Variants in C2CD3 observed in about 807,000 individuals in gnomAD.
The protein encoded by C2CD3 is C2 domain-containing protein 3.
C2CD3 carries 148 observed loss-of-function variants against 234.0 expected under a neutral mutation model. That is an observed-to-expected ratio of 0.63 (90% CI 0.55 to 0.72). C2CD3 has a LOEUF of 0.72. Among genes scored for constraint, C2CD3 ranks in the 30% least tolerant of loss-of-function variants. The pLI is 0.00. For synonymous variants in C2CD3, 1,000 were observed against 1,035.4 expected (o/e 0.97, Z 0.66); for missense variants, 2,577 against 2,811.5 (o/e 0.92, Z 1.89).
chr11:74,120,938 G>A (rs1430115159), intron 8 of C2CD3, among the ~76,000 whole-genome samples: 1 of 151,736 alleles, frequency 6.6e-6, no homozygotes, highest in Non-Finnish European at 1.5e-5. Context: ...CAGGAGAATT[G>A]CTTGAGCCAG....
At chr11:74,109,283 T>C (rs537642896) in intron 11 of C2CD3, 131 bp from the exon 12 acceptor site, 122 of 602,054 alleles carry the variant, frequency 2.0e-4, no homozygotes, top group Non-Finnish European at 3.2e-4. Flanking sequence ...GTCAGTGTGC[T>C]TTCACAGAAA....
At chr11:74,084,841 G>A (rs1446233763) in intron 22 of C2CD3, 40 bp downstream of exon 22, 1 of 1,204,502 alleles carries the variant, frequency 8.3e-7, no homozygotes, top group Non-Finnish European at 1.2e-6. Context: ...AAGTGAAAGG[G>A]AAAGGGTGGC....
chr11:74,015,296 C>T (rs1473753655), intron 32 of C2CD3, among the ~76,000 whole-genome samples: 2 of 152,224 alleles, frequency 1.3e-5, no homozygotes, highest in Non-Finnish European at 2.9e-5. Flanking sequence ...GGAGGAGACT[C>T]TTTGTAGTAA....
At chr11:74,036,442 C>T (rs1952744517) in intron 30 of C2CD3, 1 of 455,878 alleles carries the variant, frequency 2.2e-6, no homozygotes, top group Non-Finnish European at 4.4e-6. Flanking sequence ...AAGTCAAACA[C>T]AGAGCATTTA....
At chr11:74,081,960 T>G (rs1435978300) in intron 22 of C2CD3, among the ~76,000 whole-genome samples, 1 of 152,192 alleles carries the variant, frequency 6.6e-6, no homozygotes, top group Non-Finnish European at 1.5e-5. Context: ...CCTCTTTTCC[T>G]AATTGAACAT....
intron 7 of C2CD3, among the ~76,000 whole-genome samples, chr11:74,128,257 C>A (rs939105151): frequency 1.3e-5 from 2 of 152,156 alleles, no homozygotes; most frequent in African/African-American, 4.8e-5. Flanking sequence ...ATTATTAAGT[C>A]ATATAAGTTA....
At chr11:74,075,432 T>C (rs1228146885) in intron 23 of C2CD3, among the ~76,000 whole-genome samples, 2 of 152,044 alleles carry the variant, frequency 1.3e-5, no homozygotes, top group Non-Finnish European at 2.9e-5. Flanking sequence ...GAGTTAATAT[T>C]TGTTGAGTGT....
At chr11:74,092,286 C>T (rs753070143) in intron 19 of C2CD3, 130 bp downstream of exon 19, 5 of 722,026 alleles carry the variant, frequency 6.9e-6, no homozygotes, top group Non-Finnish European at 1.2e-5. Flanking sequence ...AACTCCTGAC[C>T]TCAGGTGATC....
Position 74,078,413 on chromosome 11 carries a change from G to A in C2CD3, c.4305C>T (p.Cys1435=). Reference sequence around the variant, plus strand: ...GATCATAGAACTTGTAGCGAAGGTAGCAATATGTATTCTTATGAATGTGGT... The same window carrying A: ...GATCATAGAACTTGTAGCGAAGGTAACAATATGTATTCTTATGAATGTGGT... ...GHNHIHKNTY[C]YLRYKFYDHE... The change falls in exon 23 of 33, where the codon TGC becomes TGT. Residue 1435 remains cysteine, a synonymous_variant. Transcript: ENST00000334126. 1 of 1,614,202 alleles carries A rather than the reference G, an allele frequency of 6.2e-7. No homozygotes were observed. Among genetic ancestry groups the A allele is most frequent in the Non-Finnish European group, 8.5e-7 (1 of 1,180,026 alleles).
intron 24 of C2CD3, among the ~76,000 whole-genome samples, chr11:74,066,985 T>C (rs1204639593): frequency 6.6e-6 from 1 of 152,230 alleles, no homozygotes; most frequent in Non-Finnish European, 1.5e-5. Flanking sequence ...TAGAAATTCA[T>C]GAAGGTTTTA....
chr11:74,170,682 T>G (rs1857128530), intron 1 of C2CD3, 56 bp downstream of exon 1: 1 of 1,606,052 alleles, frequency 6.2e-7, no homozygotes, highest in Middle Eastern at 1.7e-4. Context: ...TCCCTAAAAT[T>G]CCTTACACCC....
chr11:74,033,645 G>A lies in C2CD3; in HGVS notation c.6515C>T (p.Pro2172Leu). ...GAGTGTTGGGCATGGGATGGGCTGA[G>A]GGTTGGCTGAGGCAGACTCGCCACC... Reference protein sequence around the residue: ...RVGGESASANPQPIPCPTLSG... With the variant: ...RVGGESASANLQPIPCPTLSG... The change falls in exon 31 of 33, where the codon CCT (proline) becomes CTT (leucine). Residue 2172 changes from proline to leucine, a missense_variant. Coordinates refer to ENST00000334126, the MANE Select transcript of C2CD3 (RefSeq NM_001286577.2). 1.3e-6 allele frequency: 2 copies of A among 1,536,170 alleles called. No individual in the cohort carries two copies. The highest frequency in any genetic ancestry group is 1.2e-5 in the South Asian group (1 of 84,064).
chr11:74,089,075 A>G (rs758768842), intron 20 of C2CD3, among the ~76,000 whole-genome samples: 8 of 152,224 alleles, frequency 5.3e-5, no homozygotes, highest in Non-Finnish European at 1.2e-4. Flanking sequence ...ATGAGTAAAT[A>G]TGTACATATT....
intron 3 of C2CD3, among the ~76,000 whole-genome samples, chr11:74,151,145 C>G (rs183854810): frequency 8.5e-5 from 13 of 152,176 alleles, no homozygotes; most frequent in African/African-American, 2.6e-4. Context: ...AGGCTGATCT[C>G]GAACTCCTGA....
intron 5 of C2CD3, among the ~76,000 whole-genome samples, chr11:74,135,294 G>T (rs1192917494): frequency 6.6e-6 from 1 of 150,568 alleles, no homozygotes; most frequent in African/African-American, 2.4e-5. Context: ...TTGAGACAAG[G>T]TCTTACTCTG....
chr11:74,078,744 A>G (rs1175952841), intron 22 of C2CD3, 27 bp from the exon 23 acceptor site: 2 of 1,548,648 alleles, frequency 1.3e-6, no homozygotes, highest in Non-Finnish European at 1.7e-6. Flanking sequence ...AAGATTCTCA[A>G]TTATAGTCTT....
intron 11 of C2CD3, among the ~76,000 whole-genome samples, chr11:74,112,089 A>C (rs1043510479): frequency 2.0e-5 from 3 of 152,180 alleles, no homozygotes; most frequent in African/African-American, 4.8e-5. Flanking sequence ...ATGTGAATGG[A>C]TTATCTATTT....
chr11:74,034,257 T>A lies in C2CD3; in HGVS notation c.5903A>T (p.Asp1968Val), dbSNP rs981438992. The A allele has an allele frequency of 6.5e-7, 1 of 1,535,806 alleles. No individual in the cohort carries two copies. Among genetic ancestry groups the A allele is most frequent in the Non-Finnish European group, 8.7e-7 (1 of 1,146,690 alleles). The change falls in exon 31 of 33, where the codon GAT becomes GTT. Residue 1968 changes from aspartate (D) to valine (V), a missense_variant. Coordinates refer to ENST00000334126, the MANE Select transcript of C2CD3 (RefSeq NM_001286577.2). ...LITDLQTITR[D>V]SQAALSSHRA... is the part of the protein sequence containing the mutation. ...GTGAGAACTCAAAGCTGCTTGCGAA[T>A]CCCTGGTGATAGTCTGCAGATCTGA...
rs374038208 is a variant in C2CD3, at chr11:74,092,573, A to G, written c.3360T>C (p.Asn1120=). 122 of 1,613,286 alleles carry G rather than the reference A, an allele frequency of 7.6e-5. No homozygotes were observed. Among genetic ancestry groups the G allele is most frequent in the Non-Finnish European group, 1.0e-4 (121 of 1,179,704 alleles). ...CTTTGGCGACCTTCTGGTCTCTCAC[A>G]TTAGGATAATAGTATCTGTAAACCA... ...FEIWCRYYYP[N]VRDQKVAKGT... Residue 1120 remains asparagine (N), a synonymous_variant, in exon 19 of 33, where the codon AAT becomes AAC. Transcript: ENST00000334126.
Sources: gnomAD v4.1 joint callset for allele counts (sites outside exome capture counted in the v4.1 genomes callset) on GRCh38, gnomAD v4.1.1 for gene constraint, MANE v1.5 for transcripts, NCBI Gene and HGNC (gene_info 2026-07-23, HGNC 2026-07-21) for gene names.